Variants in NTRK2 observed in about 807,000 individuals in gnomAD.
NTRK2 encodes the protein neurotrophic receptor tyrosine kinase 2.
In NTRK2, 13 loss-of-function variants were observed where a neutral mutation model predicts 94.5. The observed-to-expected ratio is 0.14, with a 90% CI of 0.09 to 0.22. The LOEUF (loss-of-function observed/expected upper bound fraction) is 0.22. Ranked by LOEUF, NTRK2 falls within the 10% of genes least tolerant of loss-of-function variation. The probability of loss-of-function intolerance (pLI) is 1.00; values close to 1 mark genes in which losing one functional copy is unlikely to be tolerated. For missense variants in NTRK2, 639 were observed against 1,071.2 expected, an observed-to-expected ratio of 0.60 and a Z score of 5.63; for synonymous variants, 372 against 407.4, an observed-to-expected ratio of 0.91 and a Z score of 1.05.
rs1245622291 is a variant in NTRK2, at chr9:84,867,179, A to G, written c.1445-64A>G. The G allele has an allele frequency of 1.0e-5, 15 of 1,506,102 alleles. No individual in the cohort carries two copies. In the South Asian group the frequency reaches 1.1e-4, roughly 11 times the overall value. 93.3% of individuals were successfully genotyped at this position (1,506,102 alleles called of 1,614,324 possible). ...TACTTTAAATGGGTAAATTTTATGT[A>G]TGTGAATTACAGCTCAATAAAGCCA... On this transcript the variant is annotated intron_variant, in intron 13 of 18. Coordinates refer to ENST00000277120, the MANE Select transcript of NTRK2 (RefSeq NM_006180.6).
chr9:84,949,762 G>A lies in NTRK2; in HGVS notation c.1937+1128G>A, dbSNP rs551790475. ...AAAACAGGCATGAGCCACCACACCT[G>A]GCCCTGATTGGGTTTTAGTTCAGCT... On this transcript the variant is annotated intron_variant, in intron 16 of 18. Coordinates refer to ENST00000277120, the MANE Select transcript of NTRK2 (RefSeq NM_006180.6). Among the ~76,000 whole-genome samples, 16 of 152,278 alleles carry A rather than the reference G, an allele frequency of 1.1e-4. No individual in the cohort carries two copies. In the East Asian group the frequency reaches 2.9e-3, roughly 28 times the overall value.
intron 12 of NTRK2, among the ~76,000 whole-genome samples, chr9:84,845,248 T>TACACACAC (rs1491253305): frequency 1.9e-4 from 17 of 87,368 alleles, no homozygotes; most frequent in African/African-American, 9.1e-4. Context: ...AAATGTGGTG[T>TACACACAC]ATACACACAC....
At chr9:84,790,373 A>G (rs567585585) in intron 12 of NTRK2, among the ~76,000 whole-genome samples, 1 of 152,286 alleles carries the variant, frequency 6.6e-6, no homozygotes, top group South Asian at 2.1e-4. Flanking sequence ...TAATGAAAAA[A>G]AGCAGAGCCT....
intron 9 of NTRK2, among the ~76,000 whole-genome samples, chr9:84,740,835 T>C (rs1386489771): frequency 6.6e-6 from 1 of 152,230 alleles, no homozygotes; most frequent in East Asian, 1.9e-4. Context: ...CTAACCTTGA[T>C]TATTCACTGG....
chr9:84,806,144 A>G (rs1158729509), intron 12 of NTRK2, among the ~76,000 whole-genome samples: 2 of 152,244 alleles, frequency 1.3e-5, no homozygotes, highest in Non-Finnish European at 2.9e-5. Flanking sequence ...TAGAAAATGT[A>G]TAGATGTGCT....
intron 12 of NTRK2, among the ~76,000 whole-genome samples, chr9:84,842,806 C>A (rs2131804915): frequency 6.6e-6 from 1 of 152,310 alleles, no homozygotes; most frequent in East Asian, 1.9e-4. Flanking sequence ...GAAAACTAGA[C>A]CCACTGTTAG....
intron 9 of NTRK2, among the ~76,000 whole-genome samples, chr9:84,736,341 C>G (rs1655344604): frequency 6.6e-6 from 1 of 152,214 alleles, no homozygotes; most frequent in Admixed American, 6.5e-5. Flanking sequence ...ATTGGAAGAG[C>G]TTTTCCCACA....
chr9:84,776,076 G>T (rs1377818505), intron 12 of NTRK2, among the ~76,000 whole-genome samples: 4 of 151,980 alleles, frequency 2.6e-5, no homozygotes, highest in Non-Finnish European at 5.9e-5. Flanking sequence ...ACCTAAGAGA[G>T]TATCTATAAA....
upstream of NTRK2, among the ~76,000 whole-genome samples, chr9:84,668,943 A>C (rs1364465247): frequency 1.3e-5 from 2 of 152,168 alleles, no homozygotes; most frequent in Non-Finnish European, 2.9e-5. Flanking sequence ...GCCACCGAGC[A>C]TTTAGAATAC....
chr9:84,920,540 A>G (rs2077531304), intron 14 of NTRK2, among the ~76,000 whole-genome samples: 1 of 152,086 alleles, frequency 6.6e-6, no homozygotes, highest in Admixed American at 6.6e-5. Context: ...CCAAGCCTGG[A>G]GCTATTCTAG....
intron 14 of NTRK2, chr9:84,873,428 T>A (rs2075945773): frequency 9.4e-7 from 1 of 1,059,400 alleles, no homozygotes; most frequent in Non-Finnish European, 1.1e-6. Context: ...ACGACTCATC[T>A]CGTGGGAGCC....
intron 14 of NTRK2, among the ~76,000 whole-genome samples, chr9:84,931,445 A>C (rs2132691602): frequency 6.6e-6 from 1 of 151,874 alleles, no homozygotes; most frequent in Admixed American, 6.6e-5. Context: ...AGAGAAATTT[A>C]TTCCATTTAG....
intron 2 of NTRK2, among the ~76,000 whole-genome samples, chr9:84,676,510 G>A (rs1023327672): frequency 6.6e-6 from 1 of 152,142 alleles, no homozygotes; most frequent in Admixed American, 6.5e-5. Flanking sequence ...ACTTAGAATC[G>A]GAACCTCAGA....
chr9:85,001,757 G>C (rs116642866), intron 17 of NTRK2, among the ~76,000 whole-genome samples: 1 of 152,254 alleles, frequency 6.6e-6, no homozygotes, highest in Non-Finnish European at 1.5e-5. Context: ...TATAGGGCCC[G>C]TGCCATAATT....
intron 5 of NTRK2, among the ~76,000 whole-genome samples, chr9:84,708,993 T>A (rs1379068638): frequency 2.0e-5 from 3 of 152,240 alleles, no homozygotes; most frequent in Non-Finnish European, 4.4e-5. Flanking sequence ...GATTAAAAAT[T>A]AGAGTTTCAA....
intron 6 of NTRK2, among the ~76,000 whole-genome samples, chr9:84,717,975 G>C (rs2061808322): frequency 6.6e-6 from 1 of 151,980 alleles, no homozygotes; most frequent in East Asian, 1.9e-4. Flanking sequence ...AACATCCAGA[G>C]CTTCTTACAG....
intron 14 of NTRK2, chr9:84,877,025 A>G (rs1428058626): frequency 1.5e-5 from 16 of 1,062,722 alleles, no homozygotes; most frequent in Admixed American, 5.4e-5. Context: ...ATTGATTTCC[A>G]TACTCCTGAG....
Position 85,020,383 on chromosome 9 carries a change from C to T in NTRK2, c.2331+19C>T, listed in dbSNP as rs1475430217. On this transcript the variant is annotated intron_variant, in intron 18 of 18. Transcript: ENST00000277120. The stretch of plus-strand genomic sequence containing the variant: ...CAATGAGGTGTGCAATGGGTCTGGC[C>T]AAGACCCTCCAGAGGGCTGAGATCC... The T allele has an allele frequency of 1.9e-6, 3 of 1,613,750 alleles. No individual in the cohort carries two copies. In the South Asian group the frequency reaches 3.3e-5, roughly 18 times the overall value.
chr9:84,828,205 G>A, intron 12 of NTRK2, among the ~76,000 whole-genome samples: 1 of 152,082 alleles, frequency 6.6e-6, no homozygotes, highest in East Asian at 1.9e-4. Context: ...TTACATCTGG[G>A]GAAAAGTCTA....
Sources: gnomAD v4.1 joint callset for allele counts (sites outside exome capture counted in the v4.1 genomes callset) on GRCh38, gnomAD v4.1.1 for gene constraint, MANE v1.5 for transcripts, NCBI Gene and HGNC (gene_info 2026-07-23, HGNC 2026-07-21) for gene names.